OR9A4: variants seen among roughly 807,000 people sequenced by gnomAD.
OR9A4 encodes olfactory receptor 9A4.
In OR9A4, 16 loss-of-function variants were observed where a neutral mutation model predicts 17.1. That is an observed-to-expected ratio of 0.94 (90% confidence interval 0.64 to 1.43). OR9A4 has a LOEUF of 1.43. Among genes scored for constraint, OR9A4 ranks in the 40% most tolerant of loss-of-function variants. The pLI is 0.00. For missense variants in OR9A4, 392 were observed against 382.1 expected (o/e 1.03, Z -0.22); for synonymous variants, 167 against 143.3 (o/e 1.17, Z -1.18).
intron 1 of OR9A4, among the ~76,000 whole-genome samples, chr7:141,918,118 T>C (rs782140953): frequency 1.2e-4 from 19 of 152,198 alleles, no homozygotes; most frequent in Non-Finnish European, 2.4e-4. Context: ...CTGTGTGAGA[T>C]TGGCTAGGAA....
Position 141,919,153 on chromosome 7 carries a change from A to T in OR9A4, c.278A>T (p.Tyr93Phe), listed in dbSNP as rs782101774. The T allele has an allele frequency of 2.5e-6, 4 of 1,614,012 alleles. No homozygotes were observed. In the East Asian group the frequency reaches 8.9e-5, roughly 36 times the overall value. ...GLLLPGMQTI[Y>F]LSACVVQLFL... Reference sequence around the variant, plus strand: ...CTGCTCCCTGGGATGCAGACAATATATTTGTCTGCCTGTGTTGTCCAGCTC... The same window carrying T: ...CTGCTCCCTGGGATGCAGACAATATTTTTGTCTGCCTGTGTTGTCCAGCTC... The change falls in exon 2 of 2, where the codon TAT (tyrosine) becomes TTT (phenylalanine). Residue 93 changes from tyrosine to phenylalanine, a missense_variant. Tyr to Phe is a conservative substitution (Grantham distance 22, BLOSUM62 3). Transcript: ENST00000641559.
chr7:141,918,006 A>G (rs1802213621), intron 1 of OR9A4, among the ~76,000 whole-genome samples: 1 of 152,156 alleles, frequency 6.6e-6, no homozygotes, highest in Non-Finnish European at 1.5e-5. Context: ...TCCCGACATC[A>G]CCCCCCAAAA....
Sources: allele counts gnomAD v4.1 joint callset (sites outside exome capture counted in the v4.1 genomes callset), GRCh38; gene constraint gnomAD v4.1.1; transcripts MANE v1.5; gene names NCBI Gene and HGNC (gene_info 2026-07-23, HGNC 2026-07-21).